XKR6: variants seen among roughly 807,000 people sequenced by gnomAD.
XKR6 encodes XK-related protein 6.
Under a neutral mutation model 56.7 loss-of-function variants are expected in XKR6, and 22 were observed. The ratio of observed to expected loss-of-function variants is 0.39; its 90% CI spans 0.28 to 0.55. The LOEUF (loss-of-function observed/expected upper bound fraction) is 0.55. Among genes scored for constraint, XKR6 ranks in the 20% least tolerant of loss-of-function variants. XKR6 has a pLI of 0.66. For missense variants in XKR6, 852 were observed against 889.0 expected, an observed-to-expected ratio of 0.96 and a Z score of 0.53; for synonymous variants, 524 against 387.8, an observed-to-expected ratio of 1.35 and a Z score of -4.13.
At chr8:11,038,695 T>C (rs1056790455) in intron 1 of XKR6, among the ~76,000 whole-genome samples, 1 of 152,052 alleles carries the variant, frequency 6.6e-6, no homozygotes, top group African/African-American at 2.4e-5. Flanking sequence ...CCACCACGCC[T>C]GGCTAATTTT....
intron 1 of XKR6, among the ~76,000 whole-genome samples, chr8:11,119,261 C>G (rs372399355): frequency 3.5e-4 from 53 of 152,128 alleles, no homozygotes; most frequent in African/African-American, 1.1e-3. Flanking sequence ...GGTGTGGTGT[C>G]GTGCTGAAAA....
chr8:11,025,091 C>A (rs1244017114), intron 1 of XKR6, among the ~76,000 whole-genome samples: 2 of 152,170 alleles, frequency 1.3e-5, no homozygotes, highest in Non-Finnish European at 2.9e-5. Flanking sequence ...GGCCTTGGAG[C>A]CGACTGGAGC....
intron 1 of XKR6, among the ~76,000 whole-genome samples, chr8:11,140,919 T>G (rs1316710851): frequency 7.4e-6 from 1 of 135,392 alleles, no homozygotes; most frequent in African/African-American, 2.9e-5. Flanking sequence ...AAAAAAAACC[T>G]TCCTGAGAAA....
At chr8:11,149,786 A>T (rs1801176594) in intron 1 of XKR6, among the ~76,000 whole-genome samples, 1 of 152,184 alleles carries the variant, frequency 6.6e-6, no homozygotes, top group African/African-American at 2.4e-5. Context: ...ATCAAAAAGA[A>T]ATCTCACAGA....
chr8:11,144,806 T>C lies in XKR6; in HGVS notation c.764+55770A>G, dbSNP rs570262117. Among the ~76,000 whole-genome samples the C allele has an allele frequency of 1.4e-3, 206 of 151,470 alleles. 1 individual carries two copies. The highest frequency in any genetic ancestry group is 2.0e-3 in the Non-Finnish European group (134 of 67,938). Reference sequence around the variant, plus strand: ...AGTCCTCATCTCCAGAGCCCTGCCTTGTTCACATCCTAAACAAAGACAGCT... The same window carrying C: ...AGTCCTCATCTCCAGAGCCCTGCCTCGTTCACATCCTAAACAAAGACAGCT... On this transcript the variant is annotated intron_variant, in intron 1 of 2. Transcript: ENST00000416569.
At chr8:11,086,417 C>T (rs753454189) in intron 1 of XKR6, among the ~76,000 whole-genome samples, 1 of 152,130 alleles carries the variant, frequency 6.6e-6, no homozygotes, top group African/African-American at 2.4e-5. Flanking sequence ...TAAATGGCAG[C>T]CTTCAGCAGA....
At chr8:10,954,888 G>C in intron 1 of XKR6, among the ~76,000 whole-genome samples, 1 of 33,150 alleles carries the variant, frequency 3.0e-5, no homozygotes, top group South Asian at 7.0e-4. Context: ...TTTTTTTTTA[G>C]ACAGAGTTTC....
intron 1 of XKR6, among the ~76,000 whole-genome samples, chr8:11,055,439 C>A (rs1295646309): frequency 6.6e-6 from 1 of 152,180 alleles, no homozygotes; most frequent in Non-Finnish European, 1.5e-5. Flanking sequence ...GCCTTGAGGG[C>A]TCAGGGGAGC....
At chr8:10,911,355 GTATA>G (rs775272438) in intron 2 of XKR6, among the ~76,000 whole-genome samples, 2 of 119,230 alleles carry the variant, frequency 1.7e-5, no homozygotes, top group African/African-American at 3.3e-5. Flanking sequence ...GTGTGTGTGT[GTATA>G]TATATATATA....
intron 1 of XKR6, among the ~76,000 whole-genome samples, chr8:11,168,165 GA>G (rs987320924): frequency 3.3e-5 from 5 of 152,076 alleles, no homozygotes; most frequent in African/African-American, 1.2e-4. Flanking sequence ...GGCATATAAG[GA>G]AAAAGTATAG....
chr8:11,012,887 G>C (rs974277473), intron 1 of XKR6, among the ~76,000 whole-genome samples: 1 of 152,096 alleles, frequency 6.6e-6, no homozygotes, highest in African/African-American at 2.4e-5. Context: ...GACACTTTTC[G>C]TCCAATGCCT....
intron 1 of XKR6, among the ~76,000 whole-genome samples, chr8:11,165,737 C>T (rs149026871): frequency 6.6e-6 from 1 of 152,030 alleles, no homozygotes; most frequent in African/African-American, 2.4e-5. Context: ...CAAGGAACAC[C>T]AGAAAGACAC....
At chr8:11,192,380 A>T (rs1803631293) in intron 1 of XKR6, among the ~76,000 whole-genome samples, 1 of 150,878 alleles carries the variant, frequency 6.6e-6, no homozygotes, top group African/African-American at 2.4e-5. Flanking sequence ...CGATCTCCTG[A>T]CCTCGTGATC....
At chr8:11,032,797 G>C (rs954092343) in intron 1 of XKR6, among the ~76,000 whole-genome samples, 1 of 152,160 alleles carries the variant, frequency 6.6e-6, no homozygotes, top group East Asian at 1.9e-4. Flanking sequence ...ACCTTACAAG[G>C]CTCCTGAGAA....
chr8:11,040,848 C>G (rs1168056061), intron 1 of XKR6, among the ~76,000 whole-genome samples: 1 of 152,172 alleles, frequency 6.6e-6, no homozygotes, highest in Non-Finnish European at 1.5e-5. Flanking sequence ...TCCTGTAAAA[C>G]AGAATCATTG....
intron 1 of XKR6, among the ~76,000 whole-genome samples, chr8:10,960,519 G>A (rs1401789821): frequency 1.3e-5 from 2 of 152,224 alleles, no homozygotes; most frequent in Non-Finnish European, 2.9e-5. Flanking sequence ...AAGAAAGGAA[G>A]AAATGAAAAC....
At chr8:11,104,550 T>A (rs1254378639) in intron 1 of XKR6, 2 of 152,248 alleles carry the variant, frequency 1.3e-5, no homozygotes, top group Non-Finnish European at 2.9e-5. Context: ...TTTCTCTTCC[T>A]TCAGGGCGCT....
rs562488700 is a variant in XKR6 at position 11,178,879 on chromosome 8, A to C, written c.764+21697T>G. 7.5e-4 allele frequency among the ~76,000 whole-genome samples: 114 copies of C among 151,722 alleles called. 1 individual carries two copies. The Middle Eastern group carries it at 0.01, about 14-fold the overall frequency. ...GAGACAGGGTCTCACTCAGGCACCC[A>C]GGTTGGAGAGTAGAGTGCAGTGGCA... On this transcript the variant is annotated intron_variant, in intron 1 of 2. Transcript: ENST00000416569.
intron 1 of XKR6, among the ~76,000 whole-genome samples, chr8:11,051,262 C>A (rs147632476): frequency 6.6e-6 from 1 of 152,094 alleles, no homozygotes; most frequent in Admixed American, 6.5e-5. Context: ...GGTTCCCCCA[C>A]CTCCTGTCCT....
Sources: gnomAD v4.1 joint callset for allele counts (sites outside exome capture counted in the v4.1 genomes callset) on GRCh38, gnomAD v4.1.1 for gene constraint, MANE v1.5 for transcripts, NCBI Gene and HGNC (gene_info 2026-07-23, HGNC 2026-07-21) for gene names.